Variants in SSR1 observed in about 807,000 individuals in gnomAD.
The protein encoded by SSR1 is signal sequence receptor subunit 1, also known as translocon-associated protein subunit alpha.
Under a neutral mutation model 36.1 loss-of-function variants are expected in SSR1, and 13 were observed. The observed-to-expected ratio is 0.36, with a 90% CI of 0.23 to 0.57. The LOEUF (loss-of-function observed/expected upper bound fraction) is 0.57. Ranked by LOEUF, SSR1 falls within the 20% of genes least tolerant of loss-of-function variation. The probability of loss-of-function intolerance (pLI) is 0.81; values close to 1 mark genes in which losing one functional copy is unlikely to be tolerated. For synonymous variants in SSR1, 113 were observed against 118.9 expected, an observed-to-expected ratio of 0.95 and a Z score of 0.32; for missense variants, 291 against 338.5, an observed-to-expected ratio of 0.86 and a Z score of 1.10.
At chr6:7,307,433 C>A (rs1446589957) in intron 2 of SSR1, among the ~76,000 whole-genome samples, 1 of 152,208 alleles carries the variant, frequency 6.6e-6, no homozygotes, top group African/African-American at 2.4e-5. Context: ...TCTTTTTCCT[C>A]TAATGGTTCT....
intron 1 of SSR1, among the ~76,000 whole-genome samples, chr6:7,310,552 C>T (rs747948581): frequency 2.0e-5 from 3 of 152,118 alleles, no homozygotes; most frequent in Non-Finnish European, 4.4e-5. Context: ...AGATAAGAAA[C>T]TTCTAAATGT....
At chr6:7,295,541 ATTTTTT>A in intron 6 of SSR1, 56 bp from the exon 7 acceptor site, 1 of 1,304,142 alleles carries the variant, frequency 7.7e-7, no homozygotes, top group Non-Finnish European at 1.1e-6. Flanking sequence ...TTTACTTAAT[ATTTTTT>A]AAAAAAGAGT....
Position 7,298,821 on chromosome 6 carries a change from G to A in SSR1, c.546C>T (p.Gly182=), listed in dbSNP as rs1228590489. The change falls in exon 5 of 8, where the codon GGC becomes GGT. Residue 182 remains glycine (G), a splice_region_variant and synonymous_variant. Transcript: ENST00000244763. ...VINLNYKDLN[G]NVFQDAVFNQ... is the part of the protein sequence containing the mutation. ...TGAAGACTGCATCTTGGAATACATT[G>A]CCCTGTTTAAGAAAATAAAATAATC... 6.2e-7 allele frequency: 1 copy of A among 1,610,906 alleles called. No homozygotes were observed. The highest frequency in any genetic ancestry group is 1.3e-5 in the African/African-American group (1 of 74,848).
chr6:7,295,166 T>TAAATAAGCTA, intron 7 of SSR1: 1 of 1,479,544 alleles, frequency 6.8e-7, no homozygotes, highest in Non-Finnish European at 9.0e-7. Flanking sequence ...CACACATTCA[T>TAAATAAGCTA]AAATAAGCTG....
intron 7 of SSR1, among the ~76,000 whole-genome samples, chr6:7,293,860 T>C (rs139219797): frequency 6.6e-6 from 1 of 152,336 alleles, no homozygotes; most frequent in East Asian, 1.9e-4. Flanking sequence ...TGAATATGTA[T>C]AAAGGAGCTG....
intron 5 of SSR1, 138 bp from the exon 6 acceptor site, chr6:7,298,139 C>A: frequency 1.7e-6 from 1 of 588,750 alleles, no homozygotes; most frequent in Non-Finnish European, 2.8e-6. Flanking sequence ...TTGTATTCAA[C>A]TTAAATCCAG....
Position 7,303,434 on chromosome 6 carries a change from A to G in SSR1, c.280+116T>C, listed in dbSNP as rs1581634293. On this transcript the variant is annotated intron_variant, in intron 3 of 7. Coordinates refer to ENST00000244763, the MANE Select transcript of SSR1 (RefSeq NM_003144.5). The stretch of plus-strand genomic sequence containing the variant: ...TTTATTGTGTCTATATCACCTACGT[A>G]TTCCCTTTAAATGCCAACAATATTA... 3 of 630,886 alleles carry G rather than the reference A, an allele frequency of 4.8e-6. No individual in the cohort carries two copies. The East Asian group carries it at 8.1e-5, about 17-fold the overall frequency. The allele number at this position is 630,886 out of a possible 1,614,324, so 39.1% of individuals were successfully genotyped here. A position where few individuals can be genotyped will look rare whatever the true frequency, so the allele number is the denominator to read the frequency against.
In SSR1 at chr6:7,289,564, G is replaced by A. The variant is rs1757632576; in HGVS notation, c.*300C>T. On this transcript the variant is annotated 3_prime_UTR_variant, in exon 8 of 8. Coordinates refer to ENST00000244763, the MANE Select transcript of SSR1 (RefSeq NM_003144.5). ...GGAAGAGACAACAGCATTATATTTA[G>A]TATTCTAAAGACTTGTTTCAGGTAG... The A allele has an allele frequency of 5.5e-6, 2 of 364,462 alleles. No homozygotes were observed. Among genetic ancestry groups the A allele is most frequent in the Non-Finnish European group, 9.8e-6 (2 of 203,996 alleles). The allele number at this position is 364,462 out of a possible 1,614,324, so 22.6% of individuals were successfully genotyped here.
At chr6:7,303,660 G>C (rs773450142) in intron 2 of SSR1, 23 bp from the exon 3 acceptor site, 1 of 1,542,940 alleles carries the variant, frequency 6.5e-7, no homozygotes, top group Non-Finnish European at 8.9e-7. Flanking sequence ...ACAATTAAGA[G>C]GAGATTACTA....
intron 5 of SSR1, 72 bp from the exon 6 acceptor site, chr6:7,298,073 T>C: frequency 1.8e-6 from 2 of 1,114,484 alleles, no homozygotes; most frequent in South Asian, 2.8e-5. Flanking sequence ...CAACTATAAT[T>C]ATAACACATA....
chr6:7,310,357 A>G (rs1176044573), intron 1 of SSR1, among the ~76,000 whole-genome samples: 1 of 151,854 alleles, frequency 6.6e-6, no homozygotes, highest in Non-Finnish European at 1.5e-5. Flanking sequence ...CTTCCTGGGT[A>G]GCTAGGACTA....
Position 7,307,740 on chromosome 6 carries a change from G to A in SSR1, c.192+2177C>T, listed in dbSNP as rs145656431. ...TGGTGTCACACTATTTTGGCCAGGC[G>A]GTCTCAAACTCCTGGACTCAAGTGA... On this transcript the variant is annotated intron_variant, in intron 2 of 7. Transcript: ENST00000244763. Among the ~76,000 whole-genome samples, 794 of 152,170 alleles carry A rather than the reference G, an allele frequency of 5.2e-3. 13 individuals are homozygous for A. Among genetic ancestry groups the A allele is most frequent in the African/African-American group, 0.018 (750 of 41,516 alleles).
intron 2 of SSR1, among the ~76,000 whole-genome samples, chr6:7,306,573 T>C (rs112362120): frequency 0.043 from 6,611 of 152,236 alleles, 351 homozygotes; most frequent in African/African-American, 0.13. Context: ...GCAAGTTCCA[T>C]TGCGACCCAG....
At chr6:7,309,093 C>T (rs990469030) in intron 2 of SSR1, among the ~76,000 whole-genome samples, 11 of 152,198 alleles carry the variant, frequency 7.2e-5, no homozygotes, top group African/African-American at 1.7e-4. Flanking sequence ...TGCCTATTCT[C>T]CCAACTTCAA....
At chr6:7,294,082 A>C (rs900444387) in intron 7 of SSR1, among the ~76,000 whole-genome samples, 4 of 152,196 alleles carry the variant, frequency 2.6e-5, no homozygotes, top group Non-Finnish European at 4.4e-5. Flanking sequence ...GTTATCCTAT[A>C]AATTTATATA....
rs949950203 is a variant in SSR1, at chr6:7,285,457, C to G, written c.*4407G>C. 2.0e-5 allele frequency: 3 copies of G among 152,370 alleles called. No individual in the cohort carries two copies. Among genetic ancestry groups the G allele is most frequent in the African/African-American group, 7.2e-5 (3 of 41,452 alleles). The allele number at this position is 152,370 out of a possible 1,614,324, so 9.4% of individuals were successfully genotyped here. Reference sequence around the variant, plus strand: ...TTGTGAGGCCAAGGTGGGTGAATCACTTGAGCTCAGGAGTTCGAGACCAGC... The same window carrying G: ...TTGTGAGGCCAAGGTGGGTGAATCAGTTGAGCTCAGGAGTTCGAGACCAGC... On this transcript the variant is annotated 3_prime_UTR_variant, in exon 8 of 8. Transcript: ENST00000244763. This position sits in a 1 kb window ranked among gnomAD's most constrained non-coding sequence, Gnocchi z 4.1.
intron 4 of SSR1, among the ~76,000 whole-genome samples, chr6:7,299,056 C>G (rs1229174219): frequency 6.6e-6 from 1 of 152,162 alleles, no homozygotes; most frequent in African/African-American, 2.4e-5. Flanking sequence ...CCTGTGGTCC[C>G]AGGTACTCGG....
intron 7 of SSR1, among the ~76,000 whole-genome samples, chr6:7,292,241 C>T (rs1389200028): frequency 6.6e-6 from 1 of 152,176 alleles, no homozygotes; most frequent in Non-Finnish European, 1.5e-5. Flanking sequence ...CATAGCTAAT[C>T]CAAACACATC....
In SSR1 at chr6:7,289,636, G is replaced by A. The variant is rs960586363; in HGVS notation, c.*228C>T. On this transcript the variant is annotated 3_prime_UTR_variant, in exon 8 of 8. Transcript: ENST00000244763. ...ACCAACTGCTCACATACATACACACGCACACACATAGATTTTAATGGTTTA... is the reference window on the plus strand; with the variant it reads ...ACCAACTGCTCACATACATACACACACACACACATAGATTTTAATGGTTTA... 1.2e-4 allele frequency: 65 copies of A among 520,520 alleles called. No homozygotes were observed. Among genetic ancestry groups the A allele is most frequent in the Non-Finnish European group, 2.0e-4 (59 of 301,894 alleles). The allele number at this position is 520,520 out of a possible 1,614,324, so 32.2% of individuals were successfully genotyped here. A position where few individuals can be genotyped will look rare whatever the true frequency, so the allele number is the denominator to read the frequency against.
Sources: allele counts gnomAD v4.1 joint callset (sites outside exome capture counted in the v4.1 genomes callset), GRCh38; gene constraint gnomAD v4.1.1; non-coding constraint Gnocchi (gnomAD v3.1); transcripts MANE v1.5; gene names NCBI Gene and HGNC (gene_info 2026-07-23, HGNC 2026-07-21).